MAP2K1: variants seen among roughly 807,000 people sequenced by gnomAD.
The protein encoded by MAP2K1 is mitogen-activated protein kinase kinase 1.
In MAP2K1, 16 loss-of-function variants were observed where a neutral mutation model predicts 46.3. The observed-to-expected ratio is 0.35, with a 90% CI of 0.23 to 0.52. The LOEUF (loss-of-function observed/expected upper bound fraction) is 0.52. Among genes scored for constraint, MAP2K1 ranks in the 20% least tolerant of loss-of-function variants. MAP2K1 has a pLI of 0.94. For synonymous variants in MAP2K1, 183 were observed against 185.6 expected (o/e 0.99, Z 0.11); for missense variants, 263 against 497.1 (o/e 0.53, Z 4.48).
chr15:66,436,662 C>G (rs2140582663), intron 2 of MAP2K1, 84 bp from the exon 3 acceptor site: 1 of 1,360,828 alleles, frequency 7.3e-7, no homozygotes, highest in Non-Finnish European at 1.0e-6. Flanking sequence ...CCTTAAAGAG[C>G]TTAAACATTT....
At chr15:66,430,317 G>A (rs2093472121) in intron 1 of MAP2K1, among the ~76,000 whole-genome samples, 1 of 152,100 alleles carries the variant, frequency 6.6e-6, no homozygotes, top group African/African-American at 2.4e-5. Flanking sequence ...CACCTGCACG[G>A]GGACCCTTCC....
chr15:66,482,312 A>G (rs1172475932), intron 6 of MAP2K1, among the ~76,000 whole-genome samples: 1 of 152,156 alleles, frequency 6.6e-6, no homozygotes. Context: ...AAACCTGAGC[A>G]TTGGCTCTTA....
intron 1 of MAP2K1, among the ~76,000 whole-genome samples, chr15:66,408,363 A>G (rs532888781): frequency 1.3e-5 from 2 of 152,210 alleles, no homozygotes; most frequent in Non-Finnish European, 2.9e-5. Context: ...AATTATTTTC[A>G]GTGAAACAGG....
Position 66,435,297 on chromosome 15 carries a change from G to A in MAP2K1, c.291+60G>A, listed in dbSNP as rs796609673. ...TTTCTCAGGGTACTTAGAAGCCTGG[G>A]GACCAGGGTAGAAGGAAGACTGATT... On this transcript the variant is annotated intron_variant, in intron 2 of 10. Coordinates refer to ENST00000307102, the MANE Select transcript of MAP2K1 (RefSeq NM_002755.4). 33 of 1,395,104 alleles carry A rather than the reference G, an allele frequency of 2.4e-5. 1 individual carries two copies. In the African/African-American group the frequency reaches 2.8e-4, roughly 12 times the overall value. 86.4% of individuals were successfully genotyped at this position (1,395,104 alleles called of 1,614,324 possible).
intron 5 of MAP2K1, among the ~76,000 whole-genome samples, chr15:66,460,396 G>A (rs1188986259): frequency 6.6e-6 from 1 of 152,196 alleles, no homozygotes; most frequent in African/African-American, 2.4e-5. Flanking sequence ...ATAGGTAGAA[G>A]TTATATATGT....
intron 5 of MAP2K1, among the ~76,000 whole-genome samples, chr15:66,475,210 G>A (rs1052878206): frequency 6.6e-6 from 1 of 152,138 alleles, no homozygotes; most frequent in East Asian, 1.9e-4. Flanking sequence ...TAGAGGGTGC[G>A]ATTTGACTCA....
intron 5 of MAP2K1, among the ~76,000 whole-genome samples, chr15:66,478,455 C>T (rs113569102): frequency 8.0e-6 from 1 of 124,804 alleles, no homozygotes; most frequent in African/African-American, 2.8e-5. Context: ...TATATATATA[C>T]AGGTATATAT....
intron 5 of MAP2K1, among the ~76,000 whole-genome samples, chr15:66,456,999 G>A (rs1002289524): frequency 3.9e-5 from 6 of 152,246 alleles, no homozygotes; most frequent in Admixed American, 2.0e-4. Context: ...AGTTAACACA[G>A]GTGTGAGCAA....
intron 1 of MAP2K1, among the ~76,000 whole-genome samples, chr15:66,422,414 G>A (rs1335083097): frequency 1.3e-5 from 2 of 152,120 alleles, no homozygotes; most frequent in Non-Finnish European, 2.9e-5. Context: ...AATATCTTCT[G>A]TTGTGGAGTA....
Position 66,396,486 on chromosome 15 carries a change from T to G in MAP2K1, c.80+9059T>G, listed in dbSNP as rs147728239. On this transcript the variant is annotated intron_variant, in intron 1 of 10. Transcript: ENST00000307102. ...GATTTCACCATGTTGGTCAGGCTGG[T>G]CTCGAACTCCTGACCTCAGGTGATA... 2.7e-3 allele frequency among the ~76,000 whole-genome samples: 409 copies of G among 151,742 alleles called. 1 individual carries two copies. The highest frequency in any genetic ancestry group is 4.2e-3 in the Admixed American group (64 of 15,248).
In MAP2K1 at chr15:66,424,791, CTTTT is replaced by C. The variant is rs58738231; in HGVS notation, c.81-10216_81-10213del. 9.7e-5 allele frequency among the ~76,000 whole-genome samples: 8 copies of C among 82,156 alleles called. No individual in the cohort carries two copies. In the East Asian group the frequency reaches 1.2e-3, roughly 12 times the overall value. The allele number at this position is 82,156 out of a possible 152,430, so 53.9% of individuals were successfully genotyped here. Reference sequence around the variant, plus strand: ...CTCATTGTCTTGATCCAATCTCAATCTTTTTTTTTTTTTTTTTTTTTTTGCGATG... The same window carrying C: ...CTCATTGTCTTGATCCAATCTCAATCTTTTTTTTTTTTTTTTTTTGCGATG... On this transcript the variant is annotated intron_variant, in intron 1 of 10. Coordinates refer to ENST00000307102, the MANE Select transcript of MAP2K1 (RefSeq NM_002755.4).
intron 3 of MAP2K1, 110 bp from the exon 4 acceptor site, chr15:66,443,170 T>C (rs943156013): frequency 1.7e-5 from 10 of 577,640 alleles, no homozygotes; most frequent in Non-Finnish European, 2.9e-5. Context: ...CACTGCAAGC[T>C]CCGCCTCCCA....
At chr15:66,471,407 C>A (rs2140650303) in intron 5 of MAP2K1, among the ~76,000 whole-genome samples, 1 of 152,304 alleles carries the variant, frequency 6.6e-6, no homozygotes, top group East Asian at 1.9e-4. Context: ...TTACTATTCC[C>A]ACCTGACAGT....
intron 6 of MAP2K1, among the ~76,000 whole-genome samples, 182 bp downstream of exon 6, chr15:66,482,061 G>A (rs550848227): frequency 6.6e-6 from 1 of 152,222 alleles, no homozygotes; most frequent in African/African-American, 2.4e-5. Flanking sequence ...GTCTTTCTTA[G>A]GCCTTGGAGC....
intron 1 of MAP2K1, among the ~76,000 whole-genome samples, chr15:66,407,544 C>G (rs2093400593): frequency 6.6e-6 from 1 of 152,164 alleles, no homozygotes; most frequent in South Asian, 2.1e-4. Context: ...GGCTTCCTAC[C>G]TTTCAGGGTT....
intron 1 of MAP2K1, among the ~76,000 whole-genome samples, chr15:66,387,722 C>A (rs1201316685): frequency 2.6e-5 from 4 of 152,216 alleles, no homozygotes; most frequent in Non-Finnish European, 5.9e-5. Flanking sequence ...TAGCACGTCT[C>A]CCCTGCCTCC....
chr15:66,486,390 C>A (rs1893039216), intron 7 of MAP2K1, among the ~76,000 whole-genome samples: 1 of 152,212 alleles, frequency 6.6e-6, no homozygotes, highest in Non-Finnish European at 1.5e-5. Flanking sequence ...CCCACTCCCC[C>A]CTGCCTGATC....
At position 66,389,572 on chromosome 15, in the gene MAP2K1, G is replaced by GTTTT. The variant is rs375412152; in HGVS notation, c.80+2166_80+2169dup. 2.7e-3 allele frequency among the ~76,000 whole-genome samples: 239 copies of GTTTT among 86,958 alleles called. 1 individual carries two copies. Among genetic ancestry groups the GTTTT allele is most frequent in the Admixed American group, 0.016 (116 of 7,368 alleles). The allele number at this position is 86,958 out of a possible 152,430, so 57.0% of individuals were successfully genotyped here. A position where few individuals can be genotyped will look rare whatever the true frequency, so the allele number is the denominator to read the frequency against. On this transcript the variant is annotated intron_variant, in intron 1 of 10. Transcript: ENST00000307102. ...AAGTTTGAAGCCTAGCTCTGTTGTGGTTTTTTTTTTTTTTTTTTTTTTTTG... is the reference window on the plus strand; with the variant it reads ...AAGTTTGAAGCCTAGCTCTGTTGTGGTTTTTTTTTTTTTTTTTTTTTTTTTTTTG...
rs1893065895 is a variant in MAP2K1, at chr15:66,487,307, G to A, written c.960+15G>A. 1 of 1,613,390 alleles carries A rather than the reference G, an allele frequency of 6.2e-7. No individual in the cohort carries two copies. The highest frequency in any genetic ancestry group is 8.5e-7 in the Non-Finnish European group (1 of 1,179,434). On this transcript the variant is annotated intron_variant, in intron 8 of 10. Transcript: ENST00000307102. The stretch of plus-strand genomic sequence containing the variant: ...TAGTCAACGAGGTAAGTACTGCCTG[G>A]TTTCCTTCACCTTGGAATTTACTTG...
Sources: allele counts gnomAD v4.1 joint callset (sites outside exome capture counted in the v4.1 genomes callset), GRCh38; gene constraint gnomAD v4.1.1; transcripts MANE v1.5; gene names NCBI Gene and HGNC (gene_info 2026-07-23, HGNC 2026-07-21).